Variants in NALCN observed in about 807,000 individuals in gnomAD.
NALCN encodes the protein sodium leak channel, non-selective, also known as sodium leak channel NALCN.
NALCN carries 111 observed loss-of-function variants against 225.3 expected under a neutral mutation model. The ratio of observed to expected loss-of-function variants is 0.49; its 90% CI spans 0.42 to 0.58. The LOEUF (loss-of-function observed/expected upper bound fraction) is 0.58, where lower values mean the gene tolerates loss of function less well. NALCN is among the 20% of genes least tolerant of loss of function. The probability of loss-of-function intolerance (pLI) is 0.00; values close to 1 mark genes in which losing one functional copy is unlikely to be tolerated. For synonymous variants in NALCN, 764 were observed against 769.0 expected (o/e 0.99, Z 0.11); for missense variants, 1,378 against 2,202.4 (o/e 0.63, Z 7.49).
intron 7 of NALCN, among the ~76,000 whole-genome samples, chr13:101,331,686 C>CA (rs2045178760): frequency 6.6e-6 from 1 of 152,072 alleles, no homozygotes; most frequent in South Asian, 2.1e-4. Flanking sequence ...AGAACAAACA[C>CA]AAAAAACTGG....
chr13:101,092,393 C>T (rs1211986021), intron 28 of NALCN, among the ~76,000 whole-genome samples: 1 of 152,166 alleles, frequency 6.6e-6, no homozygotes, highest in East Asian at 1.9e-4. Flanking sequence ...ACCATCTCTC[C>T]TAAAAGAAAT....
At chr13:101,217,975 C>G (rs1594459070) in intron 13 of NALCN, among the ~76,000 whole-genome samples, 1 of 152,222 alleles carries the variant, frequency 6.6e-6, no homozygotes, top group Non-Finnish European at 1.5e-5. Context: ...GAAATCTTGT[C>G]CAGGTTTTGG....
chr13:101,284,334 T>C (rs891815147), intron 9 of NALCN, among the ~76,000 whole-genome samples: 11 of 152,242 alleles, frequency 7.2e-5, no homozygotes, highest in African/African-American at 2.4e-4. Flanking sequence ...CCCCATTATA[T>C]TGATAAATAT....
chr13:101,398,989 T>C lies in NALCN; in HGVS notation c.108+30A>G, dbSNP rs757222800. 5.2e-6 allele frequency: 7 copies of C among 1,339,492 alleles called. No individual in the cohort carries two copies. The East Asian group carries it at 6.9e-5, about 13-fold the overall frequency. The allele number at this position is 1,339,492 out of a possible 1,614,324, so 83.0% of individuals were successfully genotyped here. A position where few individuals can be genotyped will look rare whatever the true frequency, so the allele number is the denominator to read the frequency against. Reference sequence around the variant, plus strand: ...ATCACATTTATCTCACATCCACATATGCTTCTCCATACTCAAAGAAGAAAC... The same window carrying C: ...ATCACATTTATCTCACATCCACATACGCTTCTCCATACTCAAAGAAGAAAC... On this transcript the variant is annotated intron_variant, in intron 2 of 43. Transcript: ENST00000251127.
At chr13:101,269,508 T>C (rs889409626) in intron 10 of NALCN, among the ~76,000 whole-genome samples, 3 of 152,160 alleles carry the variant, frequency 2.0e-5, no homozygotes, top group Non-Finnish European at 4.4e-5. Context: ...TGAGGTGTCT[T>C]AGCAAGGACT....
intron 10 of NALCN, among the ~76,000 whole-genome samples, chr13:101,275,302 T>C (rs1019479610): frequency 6.6e-6 from 1 of 152,048 alleles, no homozygotes; most frequent in African/African-American, 2.4e-5. Flanking sequence ...GTGTTCAAGG[T>C]GAGAAAACAG....
chr13:101,317,645 T>C (rs1258654330), intron 7 of NALCN, among the ~76,000 whole-genome samples: 2 of 152,168 alleles, frequency 1.3e-5, no homozygotes, highest in African/African-American at 2.4e-5. Context: ...CTTTAGCGAC[T>C]CCTGTGATTT....
chr13:101,372,246 C>T (rs1481337438), intron 6 of NALCN, among the ~76,000 whole-genome samples: 1 of 152,070 alleles, frequency 6.6e-6, no homozygotes, highest in Admixed American at 6.6e-5. Context: ...TCTGTCATGT[C>T]TAGAAAATTG....
Position 101,254,212 on chromosome 13 carries a change from A to G in NALCN, c.1266+4231T>C, listed in dbSNP as rs556920819. ...AGCCTGGCTAACATGGCGAAACCCCATCTCTACTAGAAATACAAAAATTAG... is the reference window on the plus strand; with the variant it reads ...AGCCTGGCTAACATGGCGAAACCCCGTCTCTACTAGAAATACAAAAATTAG... On this transcript the variant is annotated intron_variant, in intron 11 of 43. Transcript: ENST00000251127. Among the ~76,000 whole-genome samples, 4 of 151,936 alleles carry G rather than the reference A, an allele frequency of 2.6e-5. No homozygotes were observed. The South Asian group carries it at 6.2e-4, about 24-fold the overall frequency.
chr13:101,204,766 A>C (rs944114261), intron 13 of NALCN, among the ~76,000 whole-genome samples: 10 of 152,180 alleles, frequency 6.6e-5, no homozygotes, highest in Admixed American at 5.9e-4. Context: ...TATACCATAA[A>C]TGACAGCTGG....
At chr13:101,124,095 G>A (rs2036114108) in intron 18 of NALCN, among the ~76,000 whole-genome samples, 1 of 152,146 alleles carries the variant, frequency 6.6e-6, no homozygotes, top group Admixed American at 6.5e-5. Context: ...CAAGTCGGTT[G>A]CTTAGTTTTC....
At chr13:101,186,251 G>A (rs980364510) in intron 14 of NALCN, among the ~76,000 whole-genome samples, 5 of 152,174 alleles carry the variant, frequency 3.3e-5, no homozygotes, top group African/African-American at 1.2e-4. Context: ...TGCATCTTTA[G>A]GCCTTGGAAC....
intron 12 of NALCN, among the ~76,000 whole-genome samples, chr13:101,232,689 G>A (rs545505057): frequency 2.3e-3 from 347 of 151,876 alleles, no homozygotes; most frequent in Non-Finnish European, 3.9e-3. Context: ...CTCGTGATCC[G>A]CCTGCCTCGG....
At chr13:101,315,958 G>A (rs1336710386) in intron 7 of NALCN, among the ~76,000 whole-genome samples, 1 of 152,006 alleles carries the variant, frequency 6.6e-6, no homozygotes, top group Non-Finnish European at 1.5e-5. Flanking sequence ...GAAATGACCA[G>A]TGATGGGACA....
chr13:101,307,203 G>C (rs1359365267), intron 7 of NALCN, among the ~76,000 whole-genome samples: 1 of 152,128 alleles, frequency 6.6e-6, no homozygotes, highest in African/African-American at 2.4e-5. Flanking sequence ...GGTATGATTA[G>C]CTTCTGAGCA....
chr13:101,187,992 T>C (rs1427159800), intron 14 of NALCN, among the ~76,000 whole-genome samples: 1 of 152,116 alleles, frequency 6.6e-6, no homozygotes, highest in East Asian at 1.9e-4. Context: ...GGCTTGCAGG[T>C]CCCTAGTATA....
chr13:101,309,367 T>C (rs1470601909), intron 7 of NALCN, among the ~76,000 whole-genome samples: 2 of 152,192 alleles, frequency 1.3e-5, no homozygotes, highest in Admixed American at 1.3e-4. Flanking sequence ...TAGGAAGTAT[T>C]TTGGCAAGTT....
At chr13:101,238,454 AAT>A (rs1156482167) in intron 11 of NALCN, among the ~76,000 whole-genome samples, 6 of 151,976 alleles carry the variant, frequency 3.9e-5, no homozygotes, top group African/African-American at 1.2e-4. Flanking sequence ...CAAATAAATC[AAT>A]ATGTTACTTT....
At position 101,228,165 on chromosome 13, in the gene NALCN, C is replaced by CG. The variant is rs556176043; in HGVS notation, c.1626+1227dup. Among the ~76,000 whole-genome samples the CG allele has an allele frequency of 4.8e-3, 646 of 134,428 alleles. 7 individuals carry two copies. The highest frequency in any genetic ancestry group is 0.016 in the African/African-American group (612 of 38,896). The allele number at this position is 134,428 out of a possible 152,430, so 88.2% of individuals were successfully genotyped here. On this transcript the variant is annotated intron_variant, in intron 13 of 43. Coordinates refer to ENST00000251127, the MANE Select transcript of NALCN (RefSeq NM_052867.4). The stretch of plus-strand genomic sequence containing the variant: ...TTAAAGGCACTCGACAAATCCTTGG[C>CG]GGCACATGAATGAAGAATCTGCATT...
Sources: gnomAD v4.1 joint callset for allele counts (sites outside exome capture counted in the v4.1 genomes callset) on GRCh38, gnomAD v4.1.1 for gene constraint, MANE v1.5 for transcripts, NCBI Gene and HGNC (gene_info 2026-07-23, HGNC 2026-07-21) for gene names.